SARDH: variants seen among roughly 807,000 people sequenced by gnomAD.
SARDH encodes sarcosine dehydrogenase, mitochondrial.
In SARDH, 95 loss-of-function variants were observed where a neutral mutation model predicts 109.1. The observed-to-expected ratio is 0.87, with a 90% CI of 0.74 to 1.03. The LOEUF (loss-of-function observed/expected upper bound fraction) is 1.03, where lower values mean the gene tolerates loss of function less well. SARDH is among the 50% of genes least tolerant of loss of function. The pLI is 0.00. For missense variants in SARDH, 1,267 were observed against 1,287.8 expected (o/e 0.98, Z 0.25); for synonymous variants, 572 against 534.8 (o/e 1.07, Z -0.96).
At chr9:133,681,459 G>T (rs1260674668) in intron 17 of SARDH, among the ~76,000 whole-genome samples, 1 of 152,216 alleles carries the variant, frequency 6.6e-6, no homozygotes, top group African/African-American at 2.4e-5. Context: ...CCCTCACCCT[G>T]CCTAGGACCT....
At chr9:133,705,591 T>C (rs1294638988) in intron 11 of SARDH, among the ~76,000 whole-genome samples, 1 of 149,880 alleles carries the variant, frequency 6.7e-6, no homozygotes, top group Non-Finnish European at 1.5e-5. Context: ...TTCCCCTATC[T>C]GCCCTCATCC....
intron 8 of SARDH, among the ~76,000 whole-genome samples, chr9:133,715,431 G>A (rs1368739538): frequency 6.6e-6 from 1 of 152,152 alleles, no homozygotes; most frequent in Non-Finnish European, 1.5e-5. Flanking sequence ...CTGCGGGGTG[G>A]GGGCAGTGAG....
At position 133,731,389 on chromosome 9, in the gene SARDH, G is replaced by A. The variant is rs1340919623; in HGVS notation, c.606C>T (p.Thr202=). 2 of 1,614,158 alleles carry A rather than the reference G, an allele frequency of 1.2e-6. No homozygotes were observed. Among genetic ancestry groups the A allele is most frequent in the African/African-American group, 1.3e-5 (1 of 75,046 alleles). The part of the protein sequence containing the change: ...PLMNVDDLYG[T]LYVPHDGTMD... Reference sequence around the variant, plus strand: ...TGGTACCGTCGTGCGGCACATACAGGGTCCCGTAGAGGTCGTCCACATTCA... The same window carrying A: ...TGGTACCGTCGTGCGGCACATACAGAGTCCCGTAGAGGTCGTCCACATTCA... Residue 202 remains threonine (T), a synonymous_variant, in exon 4 of 21, where the codon ACC becomes ACT. Coordinates refer to ENST00000439388, the MANE Select transcript of SARDH (RefSeq NM_001134707.2).
chr9:133,725,608 G>A (rs1366135964), intron 6 of SARDH: 15 of 381,370 alleles, frequency 3.9e-5, no homozygotes, highest in African/African-American at 1.0e-4. Flanking sequence ...CCCGGGAGGC[G>A]GAGGTTGCAG....
At chr9:133,661,526 G>A (rs1437889537), downstream of SARDH, among the ~76,000 whole-genome samples, 2 of 151,810 alleles carry the variant, frequency 1.3e-5, no homozygotes, top group African/African-American at 4.8e-5. Context: ...TTGTTGCCCA[G>A]GCTGGAGTGC....
At chr9:133,690,121 C>G (rs1270179174) in intron 16 of SARDH, among the ~76,000 whole-genome samples, 1 of 152,192 alleles carries the variant, frequency 6.6e-6, no homozygotes, top group Non-Finnish European at 1.5e-5. Context: ...ACTGGTGACT[C>G]AGAGACTGCC....
intron 11 of SARDH, 46 bp from the exon 12 acceptor site, chr9:133,705,077 C>T (rs1323341455): frequency 6.6e-7 from 1 of 1,523,106 alleles, no homozygotes; most frequent in South Asian, 1.2e-5. Flanking sequence ...TGGCCTGATA[C>T]CCCTGCGCAG....
rs563698611 is a variant in SARDH at position 133,686,677 on chromosome 9, C to A, written c.2070-1391G>T. On this transcript the variant is annotated intron_variant, in intron 16 of 20. Coordinates refer to ENST00000439388, the MANE Select transcript of SARDH (RefSeq NM_001134707.2). The surrounding 1 kb of genome is among the most constrained non-coding windows in gnomAD (Gnocchi z 4.0). ...CCCCCATTGCTAGGAGACGCCCCCC[C>A]ACTTCTGTCCCTCTGGGATCCCAGC... 7.2e-5 allele frequency among the ~76,000 whole-genome samples: 11 copies of A among 152,254 alleles called. No homozygotes were observed. Among genetic ancestry groups the A allele is most frequent in the African/African-American group, 2.4e-4 (10 of 41,544 alleles).
chr9:133,664,943 G>A (rs563139994), intron 20 of SARDH, among the ~76,000 whole-genome samples: 5 of 152,270 alleles, frequency 3.3e-5, no homozygotes, highest in South Asian at 2.1e-4. Flanking sequence ...AGATACCTAC[G>A]AGGCAGAAAC....
downstream of SARDH, among the ~76,000 whole-genome samples, chr9:133,661,406 A>T (rs1189381270): frequency 2.0e-5 from 3 of 151,690 alleles, no homozygotes; most frequent in African/African-American, 7.3e-5. Flanking sequence ...CATACCCCCA[A>T]CTTTTCACAT....
intron 16 of SARDH, among the ~76,000 whole-genome samples, chr9:133,689,259 CA>C (rs1252171613): frequency 6.8e-6 from 1 of 146,554 alleles, no homozygotes; most frequent in Admixed American, 6.8e-5. Flanking sequence ...AGAGACAGAT[CA>C]CCCCTTTGAT....
intron 4 of SARDH, among the ~76,000 whole-genome samples, chr9:133,730,458 C>A (rs1832638690): frequency 1.8e-5 from 1 of 56,514 alleles, no homozygotes; most frequent in South Asian, 5.2e-4. Flanking sequence ...GAAAAAGTAG[C>A]TGACTTTTTT....
chr9:133,711,066 G>A (rs1456267514), intron 10 of SARDH, among the ~76,000 whole-genome samples: 1 of 152,254 alleles, frequency 6.6e-6, no homozygotes, highest in African/African-American at 2.4e-5. Context: ...TCCCAGTGAT[G>A]GAAGGAAGAC....
At position 133,667,149 on chromosome 9, in the gene SARDH, G is replaced by A. The variant is rs1031912053; in HGVS notation, c.2496-279C>T. On this transcript the variant is annotated intron_variant, in intron 19 of 20. Transcript: ENST00000439388. ...TCCAGAAGCGAGCCCCGTATATTTG[G>A]GAGGGCCCCTGCTTCCGATTTCCTT... is the stretch of plus-strand genomic sequence containing the variant. 16 of 562,908 alleles carry A rather than the reference G, an allele frequency of 2.8e-5. No individual in the cohort carries two copies. In the Admixed American group the frequency reaches 4.9e-4, roughly 17 times the overall value. The allele number at this position is 562,908 out of a possible 1,614,324, so 34.9% of individuals were successfully genotyped here. A position where few individuals can be genotyped will look rare whatever the true frequency, so the allele number is the denominator to read the frequency against.
chr9:133,683,393 T>G (rs1400925892), intron 17 of SARDH, among the ~76,000 whole-genome samples: 3 of 152,176 alleles, frequency 2.0e-5, no homozygotes, highest in Non-Finnish European at 2.9e-5. Flanking sequence ...ATGCCAAGCC[T>G]CAGCAAGGTG....
intron 17 of SARDH, among the ~76,000 whole-genome samples, chr9:133,680,274 C>T (rs1479188419): frequency 1.3e-5 from 2 of 152,166 alleles, no homozygotes. Flanking sequence ...AGGCTTCTGG[C>T]CTGAGCTCCA....
At chr9:133,683,307 G>C (rs928799634) in intron 17 of SARDH, among the ~76,000 whole-genome samples, 9 of 152,202 alleles carry the variant, frequency 5.9e-5, no homozygotes, top group Non-Finnish European at 1.3e-4. Flanking sequence ...AGGCTGCTGG[G>C]CCTCAAATGG....
At chr9:133,735,919 A>G (rs1446904622) in intron 1 of SARDH, among the ~76,000 whole-genome samples, 1 of 152,078 alleles carries the variant, frequency 6.6e-6, no homozygotes, top group Non-Finnish European at 1.5e-5. Flanking sequence ...GCATGCCTGT[A>G]ATCCCAGCTA....
chr9:133,732,696 G>T, intron 2 of SARDH, 95 bp from the exon 3 acceptor site: 1 of 1,384,676 alleles, frequency 7.2e-7, no homozygotes. Context: ...ATTCAACCAT[G>T]GGTGTCTTTC....
Sources: gnomAD v4.1 joint callset for allele counts (sites outside exome capture counted in the v4.1 genomes callset) on GRCh38, gnomAD v4.1.1 for gene constraint, Gnocchi (gnomAD v3.1) non-coding constraint, MANE v1.5 for transcripts, NCBI Gene and HGNC (gene_info 2026-07-23, HGNC 2026-07-21) for gene names.